PCDH11X: variants seen among roughly 807,000 people sequenced by gnomAD.
PCDH11X encodes the protein protocadherin 11 X-linked, also known as protocadherin-11 X-linked.
In PCDH11X, 18 loss-of-function variants were observed where a neutral mutation model predicts 53.3. The observed-to-expected ratio is 0.34, with a 90% CI of 0.23 to 0.50. The LOEUF is 0.50. Ranked by LOEUF, PCDH11X falls within the 20% of genes least tolerant of loss-of-function variation. The pLI, the probability that PCDH11X is intolerant of heterozygous loss-of-function variation, is 0.98. For missense variants in PCDH11X, 570 were observed against 1,032.4 expected (o/e 0.55, Z 6.14); for synonymous variants, 279 against 393.3 (o/e 0.71, Z 3.44).
chrX:92,175,238 A>G (rs866128599), intron 6 of PCDH11X, among the ~76,000 whole-genome samples: 2 of 111,659 alleles, frequency 1.8e-5, no homozygotes, highest in Non-Finnish European at 3.8e-5. Flanking sequence ...CGGCCTCCCA[A>G]AGTGTTGAGA....
At chrX:91,804,699 G>C (rs896403290) in intron 1 of PCDH11X, among the ~76,000 whole-genome samples, 1 of 110,841 alleles carries the variant, frequency 9.0e-6, no homozygotes, top group Non-Finnish European at 1.9e-5. Context: ...TGAACCATTA[G>C]ATATTTATGT....
chrX:92,399,997 C>T (rs6652640), intron 9 of PCDH11X, among the ~76,000 whole-genome samples: 11,850 of 105,869 alleles, frequency 0.11, 1,209 homozygotes, highest in East Asian at 0.63. Flanking sequence ...GTGATCCGCC[C>T]GCCTCGGCCT....
intron 6 of PCDH11X, among the ~76,000 whole-genome samples, chrX:92,180,433 G>A (rs1030170451): frequency 1.8e-5 from 2 of 110,790 alleles, no homozygotes; most frequent in African/African-American, 6.6e-5. Flanking sequence ...CATCTTCCTA[G>A]CCTCTAAACA....
At chrX:92,355,963 G>A (rs993064607) in intron 8 of PCDH11X, among the ~76,000 whole-genome samples, 1 of 110,933 alleles carries the variant, frequency 9.0e-6, no homozygotes, top group Non-Finnish European at 1.9e-5. Flanking sequence ...ATAATCCTGA[G>A]ATTTGTTACT....
rs2063794546 is a variant in PCDH11X at position 92,077,622 on chromosome X, G to GGAAGGA, written c.3034-123753_3034-123752insGAAGGA. 9.4e-5 allele frequency among the ~76,000 whole-genome samples: 9 copies of GGAAGGA among 96,165 alleles called. No individual in the cohort carries two copies. The South Asian group carries it at 2.1e-3, about 22-fold the overall frequency. 83.5% of individuals were successfully genotyped at this position (96,165 alleles called of 115,157 possible). On this transcript the variant is annotated intron_variant, in intron 6 of 10. Coordinates refer to ENST00000682573, the MANE Select transcript of PCDH11X (RefSeq NM_032968.5). ...TGTTTCAAAAAAGAAGGAAGGAAGG[G>GGAAGGA]AGGAAGGAAGGAAGGAAGGAAGGAA...
intron 8 of PCDH11X, among the ~76,000 whole-genome samples, chrX:92,377,497 T>A (rs2070778270): frequency 9.0e-6 from 1 of 111,548 alleles, no homozygotes; most frequent in South Asian, 3.7e-4. Flanking sequence ...AATCAATTCT[T>A]ATTAAATAGA....
In PCDH11X at chrX:91,862,256, T is replaced by C. The variant is rs1372344891; in HGVS notation, c.541-14525T>C. On this transcript the variant is annotated intron_variant, in intron 5 of 10. Transcript: ENST00000682573. The stretch of plus-strand genomic sequence containing the variant: ...GCTTTTCTTTACTGAGAGGCTTTTT[T>C]ATTACAGCTTTGATCTCACTACTAG... 7.3e-5 allele frequency among the ~76,000 whole-genome samples: 8 copies of C among 109,614 alleles called. No homozygotes were observed. The Admixed American group carries it at 7.8e-4, about 11-fold the overall frequency.
chrX:91,908,328 A>T (rs1941257315), intron 6 of PCDH11X, among the ~76,000 whole-genome samples: 1 of 111,894 alleles, frequency 8.9e-6, no homozygotes, highest in African/African-American at 3.3e-5. Context: ...ACTTATTACC[A>T]AGGGCAAAAC....
At chrX:92,069,883 C>T (rs1486551719) in intron 6 of PCDH11X, among the ~76,000 whole-genome samples, 1 of 110,383 alleles carries the variant, frequency 9.1e-6, no homozygotes, top group Non-Finnish European at 1.9e-5. Flanking sequence ...GGTTTTGTCA[C>T]GTTGGCCAGG....
chrX:92,017,534 A>AT (rs2062815440), intron 6 of PCDH11X, among the ~76,000 whole-genome samples: 1 of 60,175 alleles, frequency 1.7e-5, no homozygotes, highest in Admixed American at 2.5e-4. Context: ...CCTTGTCTCT[A>AT]TAAAAAAAAA....
At chrX:92,205,070 T>C (rs1426055625) in intron 7 of PCDH11X, among the ~76,000 whole-genome samples, 2 of 111,626 alleles carry the variant, frequency 1.8e-5, no homozygotes, top group Non-Finnish European at 3.8e-5. Context: ...AGTCAAACCA[T>C]GTCAGGCTAT....
At chrX:92,220,656 G>C (rs376735535) in intron 7 of PCDH11X, among the ~76,000 whole-genome samples, 21 of 110,578 alleles carry the variant, frequency 1.9e-4, no homozygotes, top group East Asian at 8.6e-4. Context: ...CCTCAGGGAT[G>C]TAGAACTAGA....
At chrX:92,118,440 A>T (rs1330067268) in intron 6 of PCDH11X, among the ~76,000 whole-genome samples, 2 of 106,994 alleles carry the variant, frequency 1.9e-5, no homozygotes, top group African/African-American at 6.8e-5. Flanking sequence ...ACAAGAAGGG[A>T]AGAGGGTGGA....
intron 6 of PCDH11X, among the ~76,000 whole-genome samples, chrX:91,896,434 T>G (rs1282523533): frequency 1.9e-5 from 2 of 108,104 alleles, no homozygotes; most frequent in African/African-American, 6.7e-5. Context: ...TGGCCTTATT[T>G]TATATTGAGA....
At chrX:91,907,513 G>A (rs1289269746) in intron 6 of PCDH11X, among the ~76,000 whole-genome samples, 1 of 105,106 alleles carries the variant, frequency 9.5e-6, no homozygotes, top group Non-Finnish European at 1.9e-5. Context: ...ACTACCAATG[G>A]TTTTCAATTT....
At chrX:92,232,807 T>C (rs1007328908) in intron 7 of PCDH11X, among the ~76,000 whole-genome samples, 25 of 111,706 alleles carry the variant, frequency 2.2e-4, no homozygotes, top group Admixed American at 1.3e-3. Context: ...AGCTCCGCCT[T>C]CTGCTTCACG....
At position 92,305,807 on chromosome X, in the gene PCDH11X, C is replaced by A. The variant is rs1426172652; in HGVS notation, c.3144+42664C>A. On this transcript the variant is annotated intron_variant, in intron 8 of 10. Coordinates refer to ENST00000682573, the MANE Select transcript of PCDH11X (RefSeq NM_032968.5). ...AGAGGTACATTCAAACTAGCCACCACCCTTACATTTCTTACTATTTTGCTG... is the reference window on the plus strand; with the variant it reads ...AGAGGTACATTCAAACTAGCCACCAACCTTACATTTCTTACTATTTTGCTG... Among the ~76,000 whole-genome samples the A allele has an allele frequency of 7.2e-5, 8 of 110,672 alleles. No homozygotes were observed. The East Asian group carries it at 2.3e-3, about 32-fold the overall frequency.
chrX:92,132,406 A>G (rs1372642793), intron 6 of PCDH11X, among the ~76,000 whole-genome samples: 1 of 100,339 alleles, frequency 1.0e-5, no homozygotes, highest in Non-Finnish European at 2.0e-5. Flanking sequence ...TCAAGAGATC[A>G]AGACCATTCT....
At chrX:92,361,443 C>T (rs181703322) in intron 8 of PCDH11X, among the ~76,000 whole-genome samples, 2,239 of 111,510 alleles carry the variant, frequency 0.02, 51 homozygotes, top group African/African-American at 0.069. Context: ...AACACATCAG[C>T]TCTTTAACTT....
Sources: gnomAD v4.1 joint callset for allele counts (sites outside exome capture counted in the v4.1 genomes callset) on GRCh38, gnomAD v4.1.1 for gene constraint, MANE v1.5 for transcripts, NCBI Gene and HGNC (gene_info 2026-07-23, HGNC 2026-07-21) for gene names.